FAM135A: variants seen among roughly 807,000 people sequenced by gnomAD.
FAM135A encodes the protein protein FAM135A.
A neutral mutation model predicts 146.8 loss-of-function variants in FAM135A; 79 were observed. The ratio of observed to expected loss-of-function variants is 0.54; its 90% CI spans 0.45 to 0.65. FAM135A has a LOEUF of 0.65. Ranked by LOEUF, FAM135A falls within the 30% of genes least tolerant of loss-of-function variation. FAM135A has a pLI of 0.00. For missense variants in FAM135A, 1,623 were observed against 1,758.2 expected, an observed-to-expected ratio of 0.92 and a Z score of 1.38; for synonymous variants, 562 against 603.6, an observed-to-expected ratio of 0.93 and a Z score of 1.01.
chr6:70,497,477 A>T (rs1020275923), intron 11 of FAM135A, among the ~76,000 whole-genome samples: 13 of 152,180 alleles, frequency 8.5e-5, no homozygotes, highest in African/African-American at 3.1e-4. Flanking sequence ...TCCTATTTGA[A>T]TACGTTTTAT....
chr6:70,476,937 A>G (rs948943209), intron 7 of FAM135A, among the ~76,000 whole-genome samples: 4 of 152,158 alleles, frequency 2.6e-5, no homozygotes, highest in Non-Finnish European at 5.9e-5. Context: ...AATAGTTCAT[A>G]TCATGGACTG....
At chr6:70,554,684 G>A (rs1800489628) in intron 20 of FAM135A, among the ~76,000 whole-genome samples, 1 of 152,178 alleles carries the variant, frequency 6.6e-6, no homozygotes, top group Non-Finnish European at 1.5e-5. Flanking sequence ...CTGGAGTGCA[G>A]TGGCACAATA....
intron 13 of FAM135A, among the ~76,000 whole-genome samples, chr6:70,523,676 T>A (rs942912665): frequency 6.6e-6 from 1 of 152,182 alleles, no homozygotes; most frequent in Admixed American, 6.5e-5. Context: ...GTTGAGACAT[T>A]AAGCATAGAA....
At chr6:70,438,345 C>A (rs944928995) in intron 4 of FAM135A, among the ~76,000 whole-genome samples, 1 of 152,210 alleles carries the variant, frequency 6.6e-6, no homozygotes, top group African/African-American at 2.4e-5. Flanking sequence ...CAGTTACCTG[C>A]AATCCACCTC....
intron 5 of FAM135A, among the ~76,000 whole-genome samples, chr6:70,469,667 A>G (rs1413408163): frequency 2.0e-5 from 3 of 152,084 alleles, no homozygotes; most frequent in South Asian, 2.1e-4. Flanking sequence ...TTCACAATCT[A>G]TGTTCCTAAC....
At position 70,437,989 on chromosome 6, in the gene FAM135A, T is replaced by G. The variant is rs537388483; in HGVS notation, c.77+9570T>G. ...TAGATACTTATACCATATATTCATT[T>G]TTTCGAGAAACTTTTTTTTACTGTC... On this transcript the variant is annotated intron_variant, in intron 4 of 21. Transcript: ENST00000418814. 7.2e-5 allele frequency among the ~76,000 whole-genome samples: 11 copies of G among 152,282 alleles called. No homozygotes were observed. In the East Asian group the frequency reaches 1.3e-3, roughly 19 times the overall value.
At chr6:70,481,558 A>AG (rs1376990978) in intron 9 of FAM135A, among the ~76,000 whole-genome samples, 1 of 152,030 alleles carries the variant, frequency 6.6e-6, no homozygotes, top group Non-Finnish European at 1.5e-5. Context: ...GCTTGAGCAC[A>AG]GAAGGTTGAG....
At chr6:70,529,112 G>C (rs183483712) in intron 16 of FAM135A, among the ~76,000 whole-genome samples, 2 of 151,656 alleles carry the variant, frequency 1.3e-5, no homozygotes, top group East Asian at 3.9e-4. Context: ...AGTCTTTCTG[G>C]TTCCCTTTTA....
intron 4 of FAM135A, among the ~76,000 whole-genome samples, chr6:70,434,596 C>T (rs183007394): frequency 1.6e-4 from 24 of 152,284 alleles, no homozygotes; most frequent in Non-Finnish European, 5.9e-5. Context: ...AAAATGCACC[C>T]GTCTGTGTAC....
At chr6:70,433,527 TAAAG>T (rs994960237) in intron 4 of FAM135A, among the ~76,000 whole-genome samples, 42 of 152,128 alleles carry the variant, frequency 2.8e-4, no homozygotes, top group South Asian at 4.2e-4. Context: ...TTAAGTAACT[TAAAG>T]CAGCAAACAT....
At chr6:70,493,982 A>G (rs991355803) in intron 11 of FAM135A, among the ~76,000 whole-genome samples, 1 of 140,870 alleles carries the variant, frequency 7.1e-6, no homozygotes, top group African/African-American at 2.7e-5. Flanking sequence ...TGAACCCGGG[A>G]GGCAGTGGTT....
In FAM135A at chr6:70,450,716, G is replaced by GTTTTTTTTTTTTTTTTTTTTTTTTTTTT. The variant is rs546674936; in HGVS notation, c.78-1761_78-1734dup. Among the ~76,000 whole-genome samples, 11 of 28,348 alleles carry GTTTTTTTTTTTTTTTTTTTTTTTTTTTT rather than the reference G, an allele frequency of 3.9e-4. 5 individuals carry two copies. Among genetic ancestry groups the GTTTTTTTTTTTTTTTTTTTTTTTTTTTT allele is most frequent in the Non-Finnish European group, 8.4e-4 (11 of 13,088 alleles). 18.6% of individuals were successfully genotyped at this position (28,348 alleles called of 152,430 possible). A position where few individuals can be genotyped will look rare whatever the true frequency, so the allele number is the denominator to read the frequency against. On this transcript the variant is annotated intron_variant, in intron 4 of 21. Transcript: ENST00000418814. ...CTCAGGGAGTGTGACCCTTTTAGTT[G>GTTTTTTTTTTTTTTTTTTTTTTTTTTTT]TTTTTTTTTTTTTTTTTTTTTTTTT...
chr6:70,434,055 T>C (rs1241277666), intron 4 of FAM135A, among the ~76,000 whole-genome samples: 1 of 152,196 alleles, frequency 6.6e-6, no homozygotes, highest in African/African-American at 2.4e-5. Flanking sequence ...TGCTATTAAA[T>C]GGAATGTGGA....
chr6:70,440,359 C>G (rs753168898), intron 4 of FAM135A, among the ~76,000 whole-genome samples: 9 of 152,100 alleles, frequency 5.9e-5, no homozygotes, highest in Non-Finnish European at 1.2e-4. Context: ...ATGATCTTTA[C>G]CCAGAGTCAT....
intron 20 of FAM135A, among the ~76,000 whole-genome samples, chr6:70,543,965 A>G (rs936116689): frequency 7.2e-5 from 11 of 152,230 alleles, no homozygotes; most frequent in African/African-American, 2.4e-4. Flanking sequence ...TTATAGTTCA[A>G]ACACTGACTA....
intron 4 of FAM135A, among the ~76,000 whole-genome samples, chr6:70,450,598 G>A (rs925894129): frequency 2.6e-5 from 4 of 151,746 alleles, no homozygotes; most frequent in African/African-American, 9.7e-5. Context: ...TTTATTTCTG[G>A]AATTCTGTCC....
At chr6:70,509,699 A>C (rs1790570896) in intron 12 of FAM135A, among the ~76,000 whole-genome samples, 1 of 152,190 alleles carries the variant, frequency 6.6e-6, no homozygotes, top group South Asian at 2.1e-4. Context: ...ATATTTTGTC[A>C]TTCCCATTTT....
In FAM135A at chr6:70,525,792, T is replaced by C. The variant is rs372104811; in HGVS notation, c.2708T>C (p.Leu903Ser). The C allele has an allele frequency of 2.0e-5, 33 of 1,613,310 alleles. No individual in the cohort carries two copies. In the African/African-American group the frequency reaches 3.1e-4, roughly 15 times the overall value. The change falls in exon 15 of 22, where the codon TTG (leucine) becomes TCG (serine). Residue 903 changes from leucine (L) to serine (S), a missense_variant. Transcript: ENST00000418814. ...QQQSVVFSGN[L>S]DNETVAIHSL... is the part of the protein sequence containing the mutation. ...CAGAGTGTTGTATTTTCAGGGAACT[T>C]GGACAATGAAACTGTAGCAATACAT...
intron 20 of FAM135A, among the ~76,000 whole-genome samples, chr6:70,539,718 G>A (rs141981554): frequency 0.038 from 5,816 of 152,146 alleles, 131 homozygotes; most frequent in Middle Eastern, 0.086. Context: ...TGACACGGCC[G>A]GGCGTGGTGG....
Sources: gnomAD v4.1 joint callset for allele counts (sites outside exome capture counted in the v4.1 genomes callset) on GRCh38, gnomAD v4.1.1 for gene constraint, MANE v1.5 for transcripts, NCBI Gene and HGNC (gene_info 2026-07-23, HGNC 2026-07-21) for gene names.